PDE8A: variants seen among roughly 807,000 people sequenced by gnomAD.
PDE8A encodes the protein high affinity cAMP-specific and IBMX-insensitive 3',5'-cyclic phosphodiesterase 8A.
In PDE8A, 59 loss-of-function variants were observed where a neutral mutation model predicts 105.0. That is an observed-to-expected ratio of 0.56 (90% CI 0.46 to 0.70). The LOEUF is 0.70. Ranked by LOEUF, PDE8A falls within the 30% of genes least tolerant of loss-of-function variation. The pLI, the probability that PDE8A is intolerant of heterozygous loss-of-function variation, is 0.00. For synonymous variants in PDE8A, 355 were observed against 371.9 expected (o/e 0.95, Z 0.52); for missense variants, 1,014 against 1,045.9 (o/e 0.97, Z 0.42).
rs577562577 is a variant in PDE8A at position 85,093,570 on chromosome 15, T to C, written c.852+2389T>C. Reference sequence around the variant, plus strand: ...AGGTGTTGGATATTGAAGTTTGACCTTGGGGCAGAAGAGAAATTTTGCTGA... The same window carrying C: ...AGGTGTTGGATATTGAAGTTTGACCCTGGGGCAGAAGAGAAATTTTGCTGA... On this transcript the variant is annotated intron_variant, in intron 8 of 21. Transcript: ENST00000394553. Among the ~76,000 whole-genome samples, 7 of 151,922 alleles carry C rather than the reference T, an allele frequency of 4.6e-5. No homozygotes were observed. The South Asian group carries it at 1.0e-3, about 23-fold the overall frequency.
At chr15:85,095,449 T>C (rs918881905) in intron 8 of PDE8A, among the ~76,000 whole-genome samples, 3 of 152,072 alleles carry the variant, frequency 2.0e-5, no homozygotes, top group African/African-American at 7.2e-5. Context: ...GTTGAAGCAA[T>C]TCTCCTGCCC....
chr15:85,068,692 C>G (rs941426229), intron 3 of PDE8A, among the ~76,000 whole-genome samples: 1 of 151,950 alleles, frequency 6.6e-6, no homozygotes, highest in African/African-American at 2.4e-5. Flanking sequence ...AAATGGCTGC[C>G]GAGATAGAAG....
rs1389939537 is a variant in PDE8A, at chr15:85,100,317, A to G, written c.1036+119A>G. 4.7e-6 allele frequency: 4 copies of G among 860,114 alleles called. No individual in the cohort carries two copies. The East Asian group carries it at 7.9e-5, about 17-fold the overall frequency. The allele number at this position is 860,114 out of a possible 1,614,324, so 53.3% of individuals were successfully genotyped here. ...GGGATTTTCCTCAGACTGTGGCAAC[A>G]TTTCTCTCCTTGACTCCCCAGGCTG... On this transcript the variant is annotated intron_variant, in intron 11 of 21. Coordinates refer to ENST00000394553, the MANE Select transcript of PDE8A (RefSeq NM_002605.3).
intron 1 of PDE8A, among the ~76,000 whole-genome samples, chr15:84,993,016 G>C (rs1255215307): frequency 6.6e-6 from 1 of 152,184 alleles, no homozygotes; most frequent in Non-Finnish European, 1.5e-5. Flanking sequence ...AGAAGTCACA[G>C]GAAAGCGAAT....
intron 1 of PDE8A, among the ~76,000 whole-genome samples, chr15:85,024,673 C>A (rs1052450208): frequency 6.6e-6 from 1 of 152,124 alleles, no homozygotes; most frequent in Non-Finnish European, 1.5e-5. Flanking sequence ...TCTTAGTCTT[C>A]CTTAGCTGCC....
chr15:85,024,960 A>G (rs554323720), intron 1 of PDE8A, among the ~76,000 whole-genome samples: 11 of 152,350 alleles, frequency 7.2e-5, no homozygotes, highest in African/African-American at 2.6e-4. Context: ...TAAAAAGTGC[A>G]TTGAACAACA....
chr15:85,102,763 C>G (rs377306831), intron 11 of PDE8A, among the ~76,000 whole-genome samples: 1 of 148,622 alleles, frequency 6.7e-6, no homozygotes, highest in Non-Finnish European at 1.5e-5. Context: ...CACTTGAACC[C>G]GGGAGGCTGA....
chr15:85,101,676 T>A (rs1462169655), intron 11 of PDE8A, among the ~76,000 whole-genome samples: 1 of 152,030 alleles, frequency 6.6e-6, no homozygotes, highest in African/African-American at 2.4e-5. Flanking sequence ...GAGAGAAGAA[T>A]ACCAGCATTG....
chr15:85,088,158 T>C (rs1330003490), intron 6 of PDE8A, among the ~76,000 whole-genome samples: 4 of 152,244 alleles, frequency 2.6e-5, no homozygotes, highest in Non-Finnish European at 5.9e-5. Context: ...TAGCTGGGAT[T>C]ACAGGCGCCT....
intron 8 of PDE8A, among the ~76,000 whole-genome samples, chr15:85,097,051 C>A (rs17612860): frequency 0.13 from 19,586 of 152,122 alleles, 1,563 homozygotes; most frequent in South Asian, 0.23. Context: ...TGCTTAACAC[C>A]CAGCCTGGGT....
chr15:85,020,428 AC>A (rs2080405866), intron 1 of PDE8A, among the ~76,000 whole-genome samples: 1 of 152,050 alleles, frequency 6.6e-6, no homozygotes. Flanking sequence ...ACACGGCGAA[AC>A]CCTGTCTCTA....
At chr15:85,016,689 A>G (rs1332061209) in intron 1 of PDE8A, among the ~76,000 whole-genome samples, 4 of 152,038 alleles carry the variant, frequency 2.6e-5, no homozygotes, top group East Asian at 1.9e-4. Flanking sequence ...TGGGAAGAAA[A>G]CTCAAAGGTT....
intron 1 of PDE8A, among the ~76,000 whole-genome samples, chr15:85,023,623 A>G (rs2080465438): frequency 6.6e-6 from 1 of 152,160 alleles, no homozygotes. Context: ...GCAGCATAGG[A>G]ATATTAGAGA....
intron 17 of PDE8A, among the ~76,000 whole-genome samples, chr15:85,119,849 A>G (rs530923188): frequency 1.5e-4 from 23 of 152,290 alleles, no homozygotes; most frequent in Non-Finnish European, 2.8e-4. Flanking sequence ...GTCAAAACCT[A>G]TAGAATGAAG....
At chr15:85,019,911 T>A (rs1010379957) in intron 1 of PDE8A, among the ~76,000 whole-genome samples, 2 of 150,574 alleles carry the variant, frequency 1.3e-5, no homozygotes, top group Non-Finnish European at 3.0e-5. Flanking sequence ...GGCTCTTGGG[T>A]CTCTGGAGAA....
At chr15:85,039,700 A>G (rs770853400) in intron 1 of PDE8A, among the ~76,000 whole-genome samples, 1 of 152,254 alleles carries the variant, frequency 6.6e-6, no homozygotes, top group Non-Finnish European at 1.5e-5. Context: ...CAAGATGTAG[A>G]AACAATCGAT....
chr15:85,000,549 C>G (rs1237948593), intron 1 of PDE8A, among the ~76,000 whole-genome samples: 1 of 151,154 alleles, frequency 6.6e-6, no homozygotes, highest in African/African-American at 2.4e-5. Flanking sequence ...ATAATGTAGG[C>G]TGGCTGGAGG....
At chr15:85,051,996 C>T (rs978539032) in intron 1 of PDE8A, among the ~76,000 whole-genome samples, 10 of 151,694 alleles carry the variant, frequency 6.6e-5, no homozygotes, top group South Asian at 6.3e-4. Context: ...CAGCAGGCCC[C>T]GGTGTGTGAT....
intron 1 of PDE8A, among the ~76,000 whole-genome samples, chr15:85,014,487 C>T (rs2080291706): frequency 6.6e-6 from 1 of 152,164 alleles, no homozygotes; most frequent in African/African-American, 2.4e-5. Context: ...TTCTTGTTCT[C>T]CATTTATTAT....
Sources: allele counts gnomAD v4.1 joint callset (sites outside exome capture counted in the v4.1 genomes callset), GRCh38; gene constraint gnomAD v4.1.1; transcripts MANE v1.5; gene names NCBI Gene and HGNC (gene_info 2026-07-23, HGNC 2026-07-21).